ZDHHC2: variants seen among roughly 807,000 people sequenced by gnomAD.
ZDHHC2 encodes zDHHC palmitoyltransferase 2.
A neutral mutation model predicts 55.6 loss-of-function variants in ZDHHC2; 51 were observed. The ratio of observed to expected loss-of-function variants is 0.92; its 90% CI spans 0.73 to 1.16. The LOEUF (loss-of-function observed/expected upper bound fraction) is 1.16, where lower values mean the gene tolerates loss of function less well. Among genes scored for constraint, ZDHHC2 ranks in the 50% most tolerant of loss-of-function variants. The probability of loss-of-function intolerance (pLI) is 0.00; values close to 1 mark genes in which losing one functional copy is unlikely to be tolerated. For missense variants in ZDHHC2, 491 were observed against 442.4 expected, an observed-to-expected ratio of 1.11 and a Z score of -0.99; for synonymous variants, 199 against 152.9, an observed-to-expected ratio of 1.30 and a Z score of -2.22.
intron 11 of ZDHHC2, among the ~76,000 whole-genome samples, chr8:17,216,715 G>A (rs781655527): frequency 1.3e-5 from 2 of 152,048 alleles, no homozygotes; most frequent in African/African-American, 2.4e-5. Flanking sequence ...CGGCATGTTC[G>A]ATTAATTTTT....
intron 3 of ZDHHC2, among the ~76,000 whole-genome samples, chr8:17,186,675 A>C (rs971051483): frequency 1.3e-5 from 2 of 152,200 alleles, no homozygotes; most frequent in Non-Finnish European, 2.9e-5. Flanking sequence ...AGAGTCAGAC[A>C]TCAGGATGGA....
Position 17,198,350 on chromosome 8 carries a change from A to G in ZDHHC2, c.444-31A>G, listed in dbSNP as rs765588059. 3.8e-6 allele frequency: 6 copies of G among 1,585,464 alleles called. No homozygotes were observed. In the African/African-American group the frequency reaches 4.1e-5, roughly 11 times the overall value. ...TAATATGATTAAAATTTCATGGGGT[A>G]TTAGGTTTTGTGTTCTGCTTTGTTT... is the stretch of plus-strand genomic sequence containing the variant. On this transcript the variant is annotated intron_variant, in intron 5 of 12. Coordinates refer to ENST00000262096, the MANE Select transcript of ZDHHC2 (RefSeq NM_016353.5).
chr8:17,191,424 T>C (rs1381150734), intron 3 of ZDHHC2, among the ~76,000 whole-genome samples: 1 of 152,182 alleles, frequency 6.6e-6, no homozygotes, highest in Admixed American at 6.5e-5. Flanking sequence ...CTTTTTTGGT[T>C]TTGTTACCGT....
chr8:17,197,637 C>A lies in ZDHHC2; in HGVS notation c.429C>A (p.Cys143Ter). ...QLIKPDRCHH[C>*]SVCDKCILKM... ...TAAAACCAGATCGCTGCCATCACTG[C>A]TCCGTCTGTGATAAGTAAGAGAACC... The change falls in exon 5 of 13, where the codon TGC becomes TGA. Residue 143 changes from cysteine to a stop codon, truncating the protein, a stop_gained. Transcript: ENST00000262096. LOFTEE classifies it high-confidence loss of function. 6.2e-7 allele frequency: 1 copy of A among 1,613,716 alleles called. No individual in the cohort carries two copies. Among genetic ancestry groups the A allele is most frequent in the Non-Finnish European group, 8.5e-7 (1 of 1,179,686 alleles).
At chr8:17,188,249 C>G (rs1805824583) in intron 3 of ZDHHC2, among the ~76,000 whole-genome samples, 2 of 152,180 alleles carry the variant, frequency 1.3e-5, no homozygotes, top group Non-Finnish European at 2.9e-5. Context: ...CACAAAACTT[C>G]ATCCAATACC....
intron 3 of ZDHHC2, among the ~76,000 whole-genome samples, chr8:17,188,128 G>T (rs1428877719): frequency 1.3e-5 from 2 of 152,162 alleles, no homozygotes; most frequent in African/African-American, 2.4e-5. Flanking sequence ...CATTTTAGTT[G>T]TGTGCCTAAT....
intron 1 of ZDHHC2, among the ~76,000 whole-genome samples, chr8:17,173,063 A>G (rs932087807): frequency 3.3e-5 from 5 of 152,228 alleles, no homozygotes; most frequent in African/African-American, 1.2e-4. Flanking sequence ...TACTTTCTAG[A>G]GTGACCCAGA....
chr8:17,158,269 A>G (rs980778282), intron 1 of ZDHHC2, among the ~76,000 whole-genome samples: 3 of 152,230 alleles, frequency 2.0e-5, no homozygotes, highest in Non-Finnish European at 2.9e-5. Context: ...GATAGACTGT[A>G]TATGTTACGT....
chr8:17,204,005 A>G (rs2410532), intron 6 of ZDHHC2, among the ~76,000 whole-genome samples: 97,589 of 151,844 alleles, frequency 0.64, 32,991 homozygotes, highest in Non-Finnish European at 0.78. Flanking sequence ...ACAGGGTTTC[A>G]CCATGTTGGC....
intron 2 of ZDHHC2, among the ~76,000 whole-genome samples, chr8:17,185,299 A>T (rs1253009924): frequency 6.6e-6 from 1 of 152,234 alleles, no homozygotes; most frequent in Non-Finnish European, 1.5e-5. Flanking sequence ...GATATCTTAC[A>T]GAATTAAATT....
At chr8:17,193,193 G>A (rs1027604066) in intron 3 of ZDHHC2, among the ~76,000 whole-genome samples, 1 of 152,128 alleles carries the variant, frequency 6.6e-6, no homozygotes, top group Non-Finnish European at 1.5e-5. Flanking sequence ...TCCTCCTTGG[G>A]AAGGCTTTCC....
intron 1 of ZDHHC2, among the ~76,000 whole-genome samples, chr8:17,179,959 A>C (rs1805347459): frequency 6.6e-6 from 1 of 152,206 alleles, no homozygotes; most frequent in East Asian, 1.9e-4. Flanking sequence ...AATCCAAGAT[A>C]AAATGAGGCA....
chr8:17,204,148 C>A (rs921251579), intron 6 of ZDHHC2, among the ~76,000 whole-genome samples: 1 of 152,196 alleles, frequency 6.6e-6, no homozygotes, highest in African/African-American at 2.4e-5. Context: ...TATGTAAGAC[C>A]TTTAAGTTTA....
At chr8:17,172,379 G>C (rs1335989756) in intron 1 of ZDHHC2, among the ~76,000 whole-genome samples, 1 of 152,156 alleles carries the variant, frequency 6.6e-6, no homozygotes, top group Non-Finnish European at 1.5e-5. Flanking sequence ...ATCTACAATA[G>C]TCAGCTAAAG....
At chr8:17,195,353 AG>A (rs1239686623) in intron 3 of ZDHHC2, 150 bp from the exon 4 acceptor site, 1 of 830,776 alleles carries the variant, frequency 1.2e-6, no homozygotes, top group East Asian at 2.8e-5. Context: ...TGAGGTGAAC[AG>A]ACTTGCCCAC....
intron 3 of ZDHHC2, 69 bp from the exon 4 acceptor site, chr8:17,195,435 A>G (rs1806257060): frequency 1.3e-6 from 2 of 1,494,320 alleles, no homozygotes; most frequent in Non-Finnish European, 1.8e-6. Context: ...TTTTCCGGGT[A>G]TGGTAGAGAA....
At chr8:17,219,411 C>A (rs1414542386) in intron 12 of ZDHHC2, among the ~76,000 whole-genome samples, 1 of 151,708 alleles carries the variant, frequency 6.6e-6, no homozygotes, top group Non-Finnish European at 1.5e-5. Context: ...ATAGTTAGTA[C>A]TAAAAAGTAA....
chr8:17,200,576 A>G (rs1266890081), intron 6 of ZDHHC2, among the ~76,000 whole-genome samples: 10 of 152,260 alleles, frequency 6.6e-5, no homozygotes, highest in Admixed American at 3.3e-4. Flanking sequence ...AGGTCAGTAC[A>G]TACCTATAAA....
chr8:17,173,298 G>C (rs1328030687), intron 1 of ZDHHC2, among the ~76,000 whole-genome samples: 1 of 152,196 alleles, frequency 6.6e-6, no homozygotes, highest in Non-Finnish European at 1.5e-5. Flanking sequence ...ATACCTCTGT[G>C]AGACTGTCTT....
Sources: gnomAD v4.1 joint callset for allele counts (sites outside exome capture counted in the v4.1 genomes callset) on GRCh38, gnomAD v4.1.1 for gene constraint, MANE v1.5 for transcripts, NCBI Gene and HGNC (gene_info 2026-07-23, HGNC 2026-07-21) for gene names.